The following RASGRP3 variants were observed in gnomAD, a reference collection of about 807,000 sequenced individuals.
RASGRP3 encodes ras guanyl-releasing protein 3.
Under a neutral mutation model 82.7 loss-of-function variants are expected in RASGRP3, and 54 were observed. The ratio of observed to expected loss-of-function variants is 0.65; its 90% CI spans 0.52 to 0.82. RASGRP3 has a LOEUF of 0.82. RASGRP3 is among the 40% of genes least tolerant of loss of function. The probability of loss-of-function intolerance (pLI) is 0.00; values close to 1 mark genes in which losing one functional copy is unlikely to be tolerated. For synonymous variants in RASGRP3, 309 were observed against 300.5 expected, an observed-to-expected ratio of 1.03 and a Z score of -0.29; for missense variants, 861 against 828.9, an observed-to-expected ratio of 1.04 and a Z score of -0.48.
At chr2:33,491,788 T>G (rs908375164) in intron 1 of RASGRP3, among the ~76,000 whole-genome samples, 1 of 152,246 alleles carries the variant, frequency 6.6e-6, no homozygotes, top group African/African-American at 2.4e-5. Context: ...CGCAGCCATC[T>G]CTCAGCTGCC....
chr2:33,501,317 A>G (rs1199109906), intron 1 of RASGRP3, among the ~76,000 whole-genome samples: 1 of 152,176 alleles, frequency 6.6e-6, no homozygotes, highest in African/African-American at 2.4e-5. Context: ...TTGTTTATCC[A>G]TTTGTCGATT....
intron 13 of RASGRP3, among the ~76,000 whole-genome samples, chr2:33,548,083 T>C (rs1019781456): frequency 3.3e-5 from 5 of 151,994 alleles, no homozygotes; most frequent in Non-Finnish European, 7.4e-5. Flanking sequence ...TAGAGAGGGC[T>C]GGGCGCGGTG....
intron 1 of RASGRP3, among the ~76,000 whole-genome samples, chr2:33,485,710 C>A (rs1344166620): frequency 6.6e-6 from 1 of 152,182 alleles, no homozygotes; most frequent in Non-Finnish European, 1.5e-5. Context: ...GCCAAGCAGA[C>A]CTTGAAGCAG....
In RASGRP3 at chr2:33,564,318, T is replaced by C. The variant is rs1677013896; in HGVS notation, c.*1581T>C. On this transcript the variant is annotated 3_prime_UTR_variant, in exon 18 of 18. Transcript: ENST00000403687. ...AACCAGATTTACAGATTGGAAATAC[T>C]GCAGATGATGTGAAGTTATCAGTTG... is the stretch of plus-strand genomic sequence containing the variant. 1 of 152,104 alleles carries C rather than the reference T, an allele frequency of 6.6e-6. No homozygotes were observed. The highest frequency in any genetic ancestry group is 2.4e-5 in the African/African-American group (1 of 41,442). The allele number at this position is 152,104 out of a possible 1,614,324, so 9.4% of individuals were successfully genotyped here.
upstream of RASGRP3, among the ~76,000 whole-genome samples, chr2:33,473,008 G>C (rs1667149914): frequency 6.6e-6 from 1 of 151,950 alleles, no homozygotes; most frequent in South Asian, 2.1e-4. Flanking sequence ...AGATGGTGAA[G>C]ACAAGTATTT....
chr2:33,489,914 G>T (rs868657548), intron 1 of RASGRP3, among the ~76,000 whole-genome samples: 19 of 152,220 alleles, frequency 1.2e-4, no homozygotes, highest in South Asian at 6.2e-4. Context: ...GACTTGGGAA[G>T]TTCATTTCTC....
At chr2:33,437,598 C>G (rs1664993776) in intron 1 of RASGRP3, among the ~76,000 whole-genome samples, 1 of 151,996 alleles carries the variant, frequency 6.6e-6, no homozygotes, top group African/African-American at 2.4e-5. Flanking sequence ...AGAATCTGTC[C>G]CAAGAAGATA....
rs114668804 is a variant in RASGRP3, at chr2:33,543,535, C to T, written c.1302C>T (p.His434=). The T allele has an allele frequency of 1.3e-3, 2,128 of 1,607,616 alleles. 25 individuals carry two copies. In the African/African-American group the frequency reaches 0.023, roughly 17 times the overall value. ...LVESVFRNYD[H]DHDGYISQED... is the part of the protein sequence containing the mutation. ...AGTCTGTATTTAGAAACTATGATCA[C>T]GACCATGATGGGTACATTTCCCAAG... is the stretch of plus-strand genomic sequence containing the variant. The change falls in exon 13 of 18, where the codon CAC becomes CAT. Residue 434 remains histidine, a synonymous_variant. Coordinates refer to ENST00000403687, the MANE Select transcript of RASGRP3 (RefSeq NM_001139488.2).
chr2:33,490,606 G>A (rs1380409202), intron 1 of RASGRP3, among the ~76,000 whole-genome samples: 1 of 152,192 alleles, frequency 6.6e-6, no homozygotes, highest in Non-Finnish European at 1.5e-5. Flanking sequence ...ATGCTTTGCT[G>A]CTCCTCCTCC....
chr2:33,436,842 CA>C (rs1227540328), intron 1 of RASGRP3, among the ~76,000 whole-genome samples: 2 of 152,076 alleles, frequency 1.3e-5, no homozygotes, highest in Non-Finnish European at 2.9e-5. Flanking sequence ...TCATTATTAT[CA>C]GGGGTTTAGA....
At chr2:33,548,698 AATT>A (rs374165976) in intron 13 of RASGRP3, among the ~76,000 whole-genome samples, 12 of 151,584 alleles carry the variant, frequency 7.9e-5, no homozygotes, top group African/African-American at 2.7e-4. Flanking sequence ...AAGTGGATCC[AATT>A]ATTATTATTA....
chr2:33,498,776 A>C (rs1197267820), intron 1 of RASGRP3, among the ~76,000 whole-genome samples: 1 of 151,882 alleles, frequency 6.6e-6, no homozygotes, highest in Non-Finnish European at 1.5e-5. Context: ...TACCTCTCTC[A>C]CAACACTTTC....
chr2:33,467,148 C>A (rs191737027), intron 2 of RASGRP3, among the ~76,000 whole-genome samples: 1 of 152,078 alleles, frequency 6.6e-6, no homozygotes, highest in Non-Finnish European at 1.5e-5. Context: ...ACATGTTCCT[C>A]TTTTCTCCCA....
At chr2:33,500,497 G>T (rs1265492050) in intron 1 of RASGRP3, among the ~76,000 whole-genome samples, 1 of 152,186 alleles carries the variant, frequency 6.6e-6, no homozygotes. Flanking sequence ...CAACTGGGAA[G>T]TAGGTGATCA....
chr2:33,456,026 G>C (rs1160179645), intron 2 of RASGRP3, among the ~76,000 whole-genome samples: 1 of 152,044 alleles, frequency 6.6e-6, no homozygotes, highest in Non-Finnish European at 1.5e-5. Flanking sequence ...ATTTTTCTTT[G>C]CCAGTTCTCT....
chr2:33,458,339 T>G (rs1372943886), intron 2 of RASGRP3, among the ~76,000 whole-genome samples: 1 of 152,220 alleles, frequency 6.6e-6, no homozygotes, highest in Non-Finnish European at 1.5e-5. Context: ...TGAATATAAT[T>G]TATGATTTTT....
intron 14 of RASGRP3, among the ~76,000 whole-genome samples, chr2:33,554,183 G>T (rs1407846769): frequency 6.6e-6 from 1 of 152,162 alleles, no homozygotes; most frequent in Admixed American, 6.5e-5. Flanking sequence ...CACATTGGCT[G>T]TGACTTACTC....
At position 33,543,528 on chromosome 2, in the gene RASGRP3, A is replaced by G. The variant is rs748338356; in HGVS notation, c.1295A>G (p.Tyr432Cys). 58 of 1,604,466 alleles carry G rather than the reference A, an allele frequency of 3.6e-5. No individual in the cohort carries two copies. The highest frequency in any genetic ancestry group is 4.7e-5 in the Non-Finnish European group (55 of 1,172,502). Reference protein sequence around the residue: ...RKLVESVFRNYDHDHDGYISQ... With the variant: ...RKLVESVFRNCDHDHDGYISQ... The stretch of plus-strand genomic sequence containing the variant: ...CCTTTGCAGTCTGTATTTAGAAACT[A>G]TGATCACGACCATGATGGGTACATT... Residue 432 changes from tyrosine to cysteine, a missense_variant, in exon 13 of 18, where the codon TAT becomes TGT. Coordinates refer to ENST00000403687, the MANE Select transcript of RASGRP3 (RefSeq NM_001139488.2).
chr2:33,542,262 A>T (rs945893774), intron 12 of RASGRP3, among the ~76,000 whole-genome samples: 2 of 147,212 alleles, frequency 1.4e-5, no homozygotes, highest in Non-Finnish European at 3.0e-5. Context: ...ATAAATTCCT[A>T]TACATACATG....
Sources: allele counts gnomAD v4.1 joint callset (sites outside exome capture counted in the v4.1 genomes callset), GRCh38; gene constraint gnomAD v4.1.1; transcripts MANE v1.5; gene names NCBI Gene and HGNC (gene_info 2026-07-23, HGNC 2026-07-21).